The following GRID1 variants were observed in gnomAD, a reference collection of about 807,000 sequenced individuals.
GRID1 encodes glutamate receptor ionotropic, delta-1.
GRID1 carries 28 observed loss-of-function variants against 98.0 expected under a neutral mutation model. The observed-to-expected ratio is 0.29, with a 90% CI of 0.21 to 0.39. The LOEUF (loss-of-function observed/expected upper bound fraction) is 0.39. Ranked by LOEUF, GRID1 falls within the 10% of genes least tolerant of loss-of-function variation. GRID1 has a pLI of 1.00. For synonymous variants in GRID1, 553 were observed against 538.5 expected (o/e 1.03, Z -0.37); for missense variants, 1,111 against 1,340.5 (o/e 0.83, Z 2.67).
In GRID1 at chr10:86,170,275, G is replaced by A. The variant is rs141792048; in HGVS notation, c.521-31251C>T. The stretch of plus-strand genomic sequence containing the variant: ...GCAGCAGCCACCTCAGAGCCAGCAG[G>A]CGGATGGCATGGTCCAGTGGACAGC... On this transcript the variant is annotated intron_variant, in intron 3 of 15. Transcript: ENST00000327946. Among the ~76,000 whole-genome samples the A allele has an allele frequency of 4.3e-3, 648 of 152,338 alleles. 2 individuals carry two copies. The highest frequency in any genetic ancestry group is 6.1e-3 in the Non-Finnish European group (414 of 68,032).
At chr10:85,908,419 G>A (rs1254233373) in intron 5 of GRID1, among the ~76,000 whole-genome samples, 3 of 152,124 alleles carry the variant, frequency 2.0e-5, no homozygotes, top group Admixed American at 6.5e-5. Context: ...ATTAAAATTT[G>A]TTTTAAACTA....
chr10:86,068,707 T>C (rs1843755083), intron 4 of GRID1, among the ~76,000 whole-genome samples: 2 of 152,178 alleles, frequency 1.3e-5, no homozygotes, highest in South Asian at 4.1e-4. Flanking sequence ...GTGATGAGCG[T>C]CTAGGGAGGC....
intron 4 of GRID1, among the ~76,000 whole-genome samples, chr10:85,920,401 T>C (rs1049512542): frequency 2.0e-5 from 3 of 152,164 alleles, no homozygotes; most frequent in African/African-American, 7.2e-5. Context: ...CAGCCTGCTC[T>C]TGATTCGATG....
At chr10:86,193,744 C>T (rs1845836812) in intron 3 of GRID1, among the ~76,000 whole-genome samples, 1 of 152,064 alleles carries the variant, frequency 6.6e-6, no homozygotes, top group South Asian at 2.1e-4. Context: ...AGAATCCCTC[C>T]TTTCTGAATT....
intron 4 of GRID1, among the ~76,000 whole-genome samples, chr10:86,016,122 C>T (rs1308105826): frequency 6.6e-6 from 1 of 150,514 alleles, no homozygotes; most frequent in African/African-American, 2.4e-5. Context: ...GTTAAATAGT[C>T]AGACTGACCC....
At chr10:85,753,587 A>G (rs567410347) in intron 8 of GRID1, among the ~76,000 whole-genome samples, 3 of 152,366 alleles carry the variant, frequency 2.0e-5, no homozygotes, top group East Asian at 1.9e-4. Context: ...TGGGGAGCCA[A>G]TTCTAGACTT....
intron 4 of GRID1, among the ~76,000 whole-genome samples, chr10:85,923,284 A>G (rs1229607093): frequency 6.6e-6 from 1 of 152,184 alleles, no homozygotes; most frequent in African/African-American, 2.4e-5. Flanking sequence ...GGCTCAGGTC[A>G]CTGAAGGATG....
At chr10:85,741,222 G>A (rs957160258) in intron 8 of GRID1, among the ~76,000 whole-genome samples, 2 of 152,068 alleles carry the variant, frequency 1.3e-5, no homozygotes, top group Non-Finnish European at 2.9e-5. Flanking sequence ...CCTCATATTT[G>A]AAGCTCTGCA....
intron 5 of GRID1, among the ~76,000 whole-genome samples, chr10:85,913,982 A>C (rs954741328): frequency 5.9e-5 from 9 of 152,174 alleles, no homozygotes; most frequent in Admixed American, 5.9e-4. Context: ...ACTGCTGGCC[A>C]TGGTGAGACA....
At chr10:86,074,137 G>T (rs4934148) in intron 4 of GRID1, among the ~76,000 whole-genome samples, 3 of 152,206 alleles carry the variant, frequency 2.0e-5, no homozygotes, top group Non-Finnish European at 2.9e-5. Flanking sequence ...GTATGGGGTG[G>T]GTGAGAAATT....
chr10:85,638,194 G>A (rs1217026949), intron 13 of GRID1, among the ~76,000 whole-genome samples: 2 of 152,144 alleles, frequency 1.3e-5, no homozygotes, highest in African/African-American at 4.8e-5. Flanking sequence ...GAAAATCAGT[G>A]AAGACAAAAG....
intron 3 of GRID1, among the ~76,000 whole-genome samples, chr10:86,142,870 A>G (rs921352863): frequency 2.7e-4 from 41 of 152,322 alleles, no homozygotes; most frequent in African/African-American, 8.4e-4. Context: ...CTCAACCCAC[A>G]GGACGGTTTT....
At chr10:86,209,477 G>A (rs1405754824) in intron 2 of GRID1, among the ~76,000 whole-genome samples, 1 of 152,192 alleles carries the variant, frequency 6.6e-6, no homozygotes, top group Non-Finnish European at 1.5e-5. Context: ...TGGGGAAAAT[G>A]CTTCTGAGAG....
chr10:85,861,554 G>A (rs1417952459), intron 6 of GRID1, among the ~76,000 whole-genome samples: 1 of 152,208 alleles, frequency 6.6e-6, no homozygotes, highest in Admixed American at 6.5e-5. Context: ...GGTGGAGGGG[G>A]AAGCTTTATA....
chr10:86,270,932 T>A (rs917413927), intron 2 of GRID1, among the ~76,000 whole-genome samples: 1 of 152,062 alleles, frequency 6.6e-6, no homozygotes. Flanking sequence ...CTTCCCAAGG[T>A]GACACAGGAG....
At chr10:86,227,747 G>A (rs1846376473) in intron 2 of GRID1, among the ~76,000 whole-genome samples, 1 of 152,086 alleles carries the variant, frequency 6.6e-6, no homozygotes, top group Admixed American at 6.5e-5. Flanking sequence ...CCCCTCCCAA[G>A]GTGAGCTCCT....
At chr10:86,251,168 A>C (rs1846823046) in intron 2 of GRID1, among the ~76,000 whole-genome samples, 1 of 151,664 alleles carries the variant, frequency 6.6e-6, no homozygotes. Flanking sequence ...AGTCATCACC[A>C]CTCCCTAATC....
At chr10:85,882,012 C>A (rs561630458) in intron 5 of GRID1, among the ~76,000 whole-genome samples, 2 of 152,192 alleles carry the variant, frequency 1.3e-5, no homozygotes, top group East Asian at 1.9e-4. Context: ...AGCCAAAAAA[C>A]CATGGAAAAA....
chr10:85,712,439 C>T (rs7904922), intron 12 of GRID1, among the ~76,000 whole-genome samples: 12 of 151,444 alleles, frequency 7.9e-5, no homozygotes, highest in Non-Finnish European at 1.8e-4. Context: ...TAAATTTTGA[C>T]AAAACTGAAG....
Sources: allele counts gnomAD v4.1 joint callset (sites outside exome capture counted in the v4.1 genomes callset), GRCh38; gene constraint gnomAD v4.1.1; transcripts MANE v1.5; gene names NCBI Gene and HGNC (gene_info 2026-07-23, HGNC 2026-07-21).